DPY19L2: variants seen among roughly 807,000 people sequenced by gnomAD.
The protein encoded by DPY19L2 is probable C-mannosyltransferase DPY19L2.
A neutral mutation model predicts 97.9 loss-of-function variants in DPY19L2; 34 were observed. That is an observed-to-expected ratio of 0.35 (90% CI 0.26 to 0.46). The LOEUF is 0.46. DPY19L2 is among the 20% of genes least tolerant of loss of function. The pLI is 1.00. For missense variants in DPY19L2, 623 were observed against 911.4 expected, an observed-to-expected ratio of 0.68 and a Z score of 4.07; for synonymous variants, 230 against 307.9, an observed-to-expected ratio of 0.75 and a Z score of 2.65.
At chr12:63,665,209 T>C (rs1205808620) in intron 2 of DPY19L2, among the ~76,000 whole-genome samples, 1 of 152,140 alleles carries the variant, frequency 6.6e-6, no homozygotes, top group Admixed American at 6.5e-5. Flanking sequence ...TTGTGGTTCA[T>C]GCCTGTAATC....
intron 21 of DPY19L2, among the ~76,000 whole-genome samples, chr12:63,568,157 G>T (rs1455250392): frequency 1.3e-5 from 2 of 151,826 alleles, no homozygotes; most frequent in African/African-American, 4.8e-5. Flanking sequence ...TGTGACTTTG[G>T]TTATTTTTCA....
rs1876231175 is a variant in DPY19L2 at position 63,560,357 on chromosome 12, T to C, written c.*155A>G. The C allele has an allele frequency of 1.1e-6, 1 of 896,224 alleles. No homozygotes were observed. Among genetic ancestry groups the C allele is most frequent in the Non-Finnish European group, 1.6e-6 (1 of 627,094 alleles). The allele number at this position is 896,224 out of a possible 1,614,324, so 55.5% of individuals were successfully genotyped here. A position where few individuals can be genotyped will look rare whatever the true frequency, so the allele number is the denominator to read the frequency against. Reference sequence around the variant, plus strand: ...ACATTCAATGAACAGAAAAGTAATTTACCTTTTAGTAATCAGAAAAATTTC... The same window carrying C: ...ACATTCAATGAACAGAAAAGTAATTCACCTTTTAGTAATCAGAAAAATTTC... On this transcript the variant is annotated 3_prime_UTR_variant, in exon 22 of 22. Transcript: ENST00000324472.
At position 63,604,556 on chromosome 12, in the gene DPY19L2, G is replaced by T. The variant is rs148946721; in HGVS notation, c.1278+4060C>A. On this transcript the variant is annotated intron_variant, in intron 12 of 21. Coordinates refer to ENST00000324472, the MANE Select transcript of DPY19L2 (RefSeq NM_173812.5). Reference sequence around the variant, plus strand: ...TTTCCTGTGATTTTCTCTCAATTTAGATTGGGAGATTTCTATTGTTCTGTC... The same window carrying T: ...TTTCCTGTGATTTTCTCTCAATTTATATTGGGAGATTTCTATTGTTCTGTC... Among the ~76,000 whole-genome samples the T allele has an allele frequency of 9.4e-3, 1,426 of 152,062 alleles. 8 individuals carry two copies. The highest frequency in any genetic ancestry group is 0.032 in the African/African-American group (1,344 of 41,428).
At chr12:63,577,211 T>A (rs1177471290) in intron 19 of DPY19L2, among the ~76,000 whole-genome samples, 1 of 151,998 alleles carries the variant, frequency 6.6e-6, no homozygotes, top group Non-Finnish European at 1.5e-5. Flanking sequence ...ATAAATGGTG[T>A]TGGGAAAACT....
chr12:63,637,095 A>C (rs1348796661), intron 6 of DPY19L2, among the ~76,000 whole-genome samples: 1 of 152,200 alleles, frequency 6.6e-6, no homozygotes, highest in Non-Finnish European at 1.5e-5. Context: ...CTCTCAGATC[A>C]TAGGGCAATC....
intron 6 of DPY19L2, among the ~76,000 whole-genome samples, chr12:63,633,671 C>T (rs1891117969): frequency 6.6e-6 from 1 of 152,124 alleles, no homozygotes; most frequent in Admixed American, 6.5e-5. Context: ...CCTCAGGGAT[C>T]TAGAAGTAGA....
chr12:63,668,494 T>C (rs1592797429), upstream of DPY19L2: 11 of 1,239,370 alleles, frequency 8.9e-6, 1 homozygote, highest in African/African-American at 1.7e-4. Flanking sequence ...TCAACGGACT[T>C]GTCCCCGCAG....
At chr12:63,666,984 CA>C (rs1486425481) in intron 1 of DPY19L2, among the ~76,000 whole-genome samples, 4 of 152,102 alleles carry the variant, frequency 2.6e-5, no homozygotes. Flanking sequence ...TTGAAATTCT[CA>C]ACCATGCTTA....
At chr12:63,596,483 T>C (rs902354903) in intron 14 of DPY19L2, among the ~76,000 whole-genome samples, 6 of 152,112 alleles carry the variant, frequency 3.9e-5, no homozygotes, top group Non-Finnish European at 7.4e-5. Context: ...AGAAATAACA[T>C]TGGCTAACTA....
intron 1 of DPY19L2, 94 bp downstream of exon 1, chr12:63,667,963 A>T: frequency 1.4e-6 from 2 of 1,424,096 alleles, no homozygotes; most frequent in Non-Finnish European, 1.9e-6. Context: ...CCTACTAGGC[A>T]CCCACAAACC....
intron 21 of DPY19L2, among the ~76,000 whole-genome samples, chr12:63,568,064 T>C (rs1565693384): frequency 6.6e-6 from 1 of 152,164 alleles, no homozygotes; most frequent in East Asian, 1.9e-4. Flanking sequence ...ATTTCTTCAA[T>C]ATTTTTTCGG....
chr12:63,634,821 G>GGCCT (rs1891378825), intron 6 of DPY19L2, among the ~76,000 whole-genome samples: 1 of 152,160 alleles, frequency 6.6e-6, no homozygotes, highest in African/African-American at 2.4e-5. Context: ...AGCTCAAGGA[G>GGCCT]GCCTGCCTGC....
At chr12:63,590,870 C>T (rs1882781841) in intron 16 of DPY19L2, 1 of 300,470 alleles carries the variant, frequency 3.3e-6, no homozygotes. Flanking sequence ...ACAGGCCTGT[C>T]ACTTTCAAAT....
intron 6 of DPY19L2, among the ~76,000 whole-genome samples, chr12:63,630,749 A>G (rs1031354551): frequency 1.3e-5 from 2 of 152,118 alleles, no homozygotes; most frequent in Non-Finnish European, 2.9e-5. Flanking sequence ...TCCATCCCAA[A>G]TCAACAGAAT....
chr12:63,618,952 T>C (rs982858682), intron 9 of DPY19L2, among the ~76,000 whole-genome samples: 4 of 152,200 alleles, frequency 2.6e-5, no homozygotes, highest in Admixed American at 2.0e-4. Flanking sequence ...TATGCTTTGT[T>C]GGTCACATAC....
chr12:63,661,557 CT>C, intron 3 of DPY19L2, 76 bp from the exon 4 acceptor site: 9 of 943,862 alleles, frequency 9.5e-6, no homozygotes, highest in South Asian at 2.4e-5. Flanking sequence ...TTCTTTAGAA[CT>C]TTTTTTCTGA....
intron 6 of DPY19L2, among the ~76,000 whole-genome samples, chr12:63,628,236 G>C (rs1009477935): frequency 6.6e-6 from 1 of 152,190 alleles, no homozygotes; most frequent in Non-Finnish European, 1.5e-5. Flanking sequence ...AGTGGGTGCA[G>C]CGCACCGAGC....
At chr12:63,628,632 C>G (rs1397685878) in intron 6 of DPY19L2, among the ~76,000 whole-genome samples, 2 of 152,084 alleles carry the variant, frequency 1.3e-5, no homozygotes, top group South Asian at 4.1e-4. Flanking sequence ...TAGACTCCAC[C>G]TCTGGGGGCA....
At chr12:63,667,350 G>A (rs1896450186) in intron 1 of DPY19L2, among the ~76,000 whole-genome samples, 2 of 152,088 alleles carry the variant, frequency 1.3e-5, no homozygotes, top group African/African-American at 4.8e-5. Context: ...GCTTTCCAAA[G>A]ATGCTCAAAA....
Sources: gnomAD v4.1 joint callset for allele counts (sites outside exome capture counted in the v4.1 genomes callset) on GRCh38, gnomAD v4.1.1 for gene constraint, MANE v1.5 for transcripts, NCBI Gene and HGNC (gene_info 2026-07-23, HGNC 2026-07-21) for gene names.